Variants in TSNAXIP1 observed in about 807,000 individuals in gnomAD.
TSNAXIP1 encodes the protein translin-associated factor X-interacting protein 1.
TSNAXIP1 carries 89 observed loss-of-function variants against 84.8 expected under a neutral mutation model. The observed-to-expected ratio is 1.05, with a 90% CI of 0.88 to 1.25. The LOEUF (loss-of-function observed/expected upper bound fraction) is 1.25, where lower values mean the gene tolerates loss of function less well. Ranked by LOEUF, TSNAXIP1 falls within the 50% of genes most tolerant of loss-of-function variation. The probability of loss-of-function intolerance (pLI) is 0.00; values close to 1 mark genes in which losing one functional copy is unlikely to be tolerated. For synonymous variants in TSNAXIP1, 347 were observed against 335.2 expected (o/e 1.04, Z -0.39); for missense variants, 874 against 887.6 (o/e 0.98, Z 0.20).
At position 67,827,840 on chromosome 16, in the gene TSNAXIP1, G is replaced by A; in HGVS notation, c.1986G>A (p.Met662Ile). 3 of 1,614,154 alleles carry A rather than the reference G, an allele frequency of 1.9e-6. No individual in the cohort carries two copies. The highest frequency in any genetic ancestry group is 2.5e-6 in the Non-Finnish European group (3 of 1,180,032). ...SLDKQTVNTYMSQAFQLPESE... is the reference protein window; with the variant it reads ...SLDKQTVNTYISQAFQLPESE... ...ACAAGCAGACAGTGAACACCTACAT[G>A]AGCCAGGCCTTCCAGCTCCCTGAGT... is the stretch of plus-strand genomic sequence containing the variant. The change falls in exon 16 of 16, where the codon ATG becomes ATA. Residue 662 changes from methionine (M) to isoleucine (I), a missense_variant. Coordinates refer to ENST00000561639, the MANE Select transcript of TSNAXIP1 (RefSeq NM_001288990.3).
chr16:67,826,385 G>T (rs572428966), intron 10 of TSNAXIP1, 52 bp from the exon 11 acceptor site: 96 of 1,609,388 alleles, frequency 6.0e-5, no homozygotes, highest in Non-Finnish European at 7.8e-5. Flanking sequence ...TTCCCTGATT[G>T]GGGGTGGGGC....
At chr16:67,823,849 T>C (rs1017205198) in intron 5 of TSNAXIP1, 130 bp downstream of exon 5, 2 of 678,594 alleles carry the variant, frequency 2.9e-6, no homozygotes, top group Admixed American at 5.6e-5. Flanking sequence ...AAACCCTGTC[T>C]CTAGTAAAAA....
chr16:67,813,251 G>T (rs573164992), intron 1 of TSNAXIP1, among the ~76,000 whole-genome samples: 1 of 151,874 alleles, frequency 6.6e-6, no homozygotes, highest in African/African-American at 2.4e-5. Context: ...GCTGGGCATG[G>T]TGGCAGGGGC....
At position 67,817,748 on chromosome 16, in the gene TSNAXIP1, G is replaced by T. The variant is rs571019112; in HGVS notation, c.148-3091G>T. 1.5e-3 allele frequency among the ~76,000 whole-genome samples: 215 copies of T among 142,462 alleles called. 2 individuals are homozygous for T. Among genetic ancestry groups the T allele is most frequent in the Middle Eastern group, 0.011 (3 of 272 alleles). 93.5% of individuals were successfully genotyped at this position (142,462 alleles called of 152,430 possible). On this transcript the variant is annotated intron_variant, in intron 2 of 15. Transcript: ENST00000561639. Reference sequence around the variant, plus strand: ...TTCTACTAAAAATACAAAATTTGCCGGGTGTGGTGGTGCGTGCCTGCAGTC... The same window carrying T: ...TTCTACTAAAAATACAAAATTTGCCTGGTGTGGTGGTGCGTGCCTGCAGTC...
At chr16:67,808,880 C>T (rs1051048329) in intron 1 of TSNAXIP1, among the ~76,000 whole-genome samples, 3 of 151,988 alleles carry the variant, frequency 2.0e-5, no homozygotes, top group African/African-American at 7.2e-5. Context: ...AGAGAATCCC[C>T]ATTCATTTTA....
In TSNAXIP1 at chr16:67,827,029, G is replaced by A; in HGVS notation, c.1621G>A (p.Ala541Thr). 2 of 1,614,174 alleles carry A rather than the reference G, an allele frequency of 1.2e-6. No individual in the cohort carries two copies. Among genetic ancestry groups the A allele is most frequent in the Non-Finnish European group, 1.7e-6 (2 of 1,180,048 alleles). The stretch of plus-strand genomic sequence containing the variant: ...CCAGCTGCTGAAGGAGATGACAAAT[G>A]CTGACAGTCAGAACGAGGGGCTACT... ...VAQLLKEMTN[A>T]DSQNEGLLTM... The change falls in exon 13 of 16, where the codon GCT (alanine) becomes ACT (threonine). Residue 541 changes from alanine to threonine, a missense_variant. Coordinates refer to ENST00000561639, the MANE Select transcript of TSNAXIP1 (RefSeq NM_001288990.3).
chr16:67,827,002 G>C lies in TSNAXIP1; in HGVS notation c.1594G>C (p.Ala532Pro), dbSNP rs1206657532. ...GTATGTCACCCAGAAGGAGACAGTAGCCCAGCTGCTGAAGGAGATGACAAA... is the reference window on the plus strand; with the variant it reads ...GTATGTCACCCAGAAGGAGACAGTACCCCAGCTGCTGAAGGAGATGACAAA... ...NVYVTQKETV[A>P]QLLKEMTNAD... The change falls in exon 13 of 16, where the codon GCC becomes CCC. Residue 532 changes from alanine (A) to proline (P), a missense_variant. Transcript: ENST00000561639. 1 of 1,614,054 alleles carries C rather than the reference G, an allele frequency of 6.2e-7. No homozygotes were observed. Among genetic ancestry groups the C allele is most frequent in the Non-Finnish European group, 8.5e-7 (1 of 1,180,046 alleles).
At chr16:67,807,458 C>G (rs1412495936) in intron 1 of TSNAXIP1, 6 of 1,283,818 alleles carry the variant, frequency 4.7e-6, no homozygotes, top group Admixed American at 2.6e-5. Flanking sequence ...GCTTTATATA[C>G]CACATTTTTA....
intron 2 of TSNAXIP1, among the ~76,000 whole-genome samples, chr16:67,816,564 G>C (rs1385713192): frequency 1.3e-5 from 2 of 152,110 alleles, no homozygotes; most frequent in Non-Finnish European, 2.9e-5. Flanking sequence ...TGGATTATTC[G>C]CAGAGACCAA....
At chr16:67,821,617 T>A (rs2057064555) in intron 4 of TSNAXIP1, among the ~76,000 whole-genome samples, 1 of 151,986 alleles carries the variant, frequency 6.6e-6, no homozygotes, top group Admixed American at 6.6e-5. Context: ...ACTGAGCACC[T>A]CAGACCTTCA....
At position 67,826,455 on chromosome 16, in the gene TSNAXIP1, C is replaced by G. The variant is rs201851680; in HGVS notation, c.1294C>G (p.Pro432Ala). The G allele has an allele frequency of 6.2e-7, 1 of 1,613,900 alleles. No individual in the cohort carries two copies. The highest frequency in any genetic ancestry group is 1.3e-5 in the African/African-American group (1 of 75,020). The change falls in exon 11 of 16, where the codon CCT becomes GCT. Residue 432 changes from proline (P) to alanine (A), a missense_variant. Physicochemically the swap from Pro to Ala is conservative, Grantham distance 27 (BLOSUM62 -1). Transcript: ENST00000561639. ...FPGLGYGEAI[P>A]AFLRFDGLVE... ...CTCCTAGGGCTATGGGGAAGCCATC[C>G]CTGCTTTTCTTCGGTTTGATGGCCT... is the stretch of plus-strand genomic sequence containing the variant.
intron 1 of TSNAXIP1, among the ~76,000 whole-genome samples, chr16:67,813,714 A>G (rs564211645): frequency 5.4e-5 from 7 of 130,534 alleles, no homozygotes; most frequent in Non-Finnish European, 9.3e-5. Flanking sequence ...CCTGGGTGAC[A>G]GGGTAAGACT....
rs568997046 is a variant in TSNAXIP1 at position 67,825,733 on chromosome 16, G to A, written c.881G>A (p.Arg294His). Residue 294 changes from arginine (R) to histidine (H), a missense_variant, in exon 8 of 16, where the codon CGC (arginine) becomes CAC (histidine). Transcript: ENST00000561639. ...ALKMTRQDLTRTQMELNNMKA... is the reference protein window; with the variant it reads ...ALKMTRQDLTHTQMELNNMKA... The stretch of plus-strand genomic sequence containing the variant: ...AAGATGACCCGGCAAGACCTGACCC[G>A]CACGCAGATGGAACTCAACAACATG... The A allele has an allele frequency of 1.0e-4, 168 of 1,614,188 alleles. 1 individual carries two copies. In the South Asian group the frequency reaches 1.2e-3, roughly 11 times the overall value.
intron 2 of TSNAXIP1, among the ~76,000 whole-genome samples, chr16:67,819,645 C>CTT (rs886107623): frequency 3.8e-5 from 5 of 132,458 alleles, no homozygotes; most frequent in Admixed American, 7.8e-5. Flanking sequence ...TGCTTTCCCT[C>CTT]TTTTTTTTTT....
intron 2 of TSNAXIP1, among the ~76,000 whole-genome samples, chr16:67,816,854 G>A (rs986074963): frequency 2.0e-5 from 3 of 151,936 alleles, no homozygotes; most frequent in African/African-American, 7.3e-5. Context: ...GGCCCTGGCA[G>A]CTGGTTCTCC....
intron 13 of TSNAXIP1, 58 bp from the exon 14 acceptor site, chr16:67,827,191 G>A (rs2057523584): frequency 1.2e-6 from 2 of 1,610,882 alleles, no homozygotes; most frequent in East Asian, 4.5e-5. Flanking sequence ...TTGAGCACTA[G>A]GGAGAGGCAC....
chr16:67,826,347 C>T, intron 10 of TSNAXIP1, 65 bp downstream of exon 10: 2 of 1,600,722 alleles, frequency 1.2e-6, no homozygotes, highest in Non-Finnish European at 1.7e-6. Flanking sequence ...GCTGCTCAGA[C>T]AAGCTTTTGG....
chr16:67,810,162 G>T (rs1411189032), intron 1 of TSNAXIP1, among the ~76,000 whole-genome samples: 1 of 151,976 alleles, frequency 6.6e-6, no homozygotes, highest in African/African-American at 2.4e-5. Context: ...CCTCTGCAAG[G>T]GACCTTCGAA....
At chr16:67,807,322 A>G in intron 1 of TSNAXIP1, 126 bp downstream of exon 1, 4 of 1,534,122 alleles carry the variant, frequency 2.6e-6, no homozygotes, top group Non-Finnish European at 3.5e-6. Flanking sequence ...CTCCAGCACC[A>G]CAGAGTCAAT....
Sources: gnomAD v4.1 joint callset for allele counts (sites outside exome capture counted in the v4.1 genomes callset) on GRCh38, gnomAD v4.1.1 for gene constraint, MANE v1.5 for transcripts, NCBI Gene and HGNC (gene_info 2026-07-23, HGNC 2026-07-21) for gene names.